The following PDCD4 variants were observed in gnomAD, a reference collection of about 807,000 sequenced individuals.
PDCD4 encodes programmed cell death 4.
A neutral mutation model predicts 54.0 loss-of-function variants in PDCD4; 56 were observed. That is an observed-to-expected ratio of 1.04 (90% confidence interval 0.84 to 1.30). PDCD4 has a LOEUF of 1.30. Among genes scored for constraint, PDCD4 ranks in the 50% most tolerant of loss-of-function variants. PDCD4 has a pLI of 0.00. For synonymous variants in PDCD4, 186 were observed against 194.8 expected, an observed-to-expected ratio of 0.95 and a Z score of 0.37; for missense variants, 584 against 559.8, an observed-to-expected ratio of 1.04 and a Z score of -0.44.
chr10:110,888,157 A>G (rs1308467186), intron 6 of PDCD4, among the ~76,000 whole-genome samples: 5 of 149,500 alleles, frequency 3.3e-5, no homozygotes, highest in African/African-American at 1.2e-4. Context: ...TTTTTGCCAT[A>G]TATATAGTCT....
chr10:110,893,884 C>A lies in PDCD4; in HGVS notation c.991-207C>A, dbSNP rs140234364. Among the ~76,000 whole-genome samples, 1,132 of 152,148 alleles carry A rather than the reference C, an allele frequency of 7.4e-3. 21 individuals are homozygous for A. Among genetic ancestry groups the A allele is most frequent in the African/African-American group, 0.024 (1,012 of 41,540 alleles). ...ACACACTGAAGCATTGCATTTGAAT[C>A]ATAATTATGAACCATTTAAAAATTG... is the stretch of plus-strand genomic sequence containing the variant. On this transcript the variant is annotated intron_variant, in intron 8 of 11. Transcript: ENST00000280154.
chr10:110,877,453 C>T (rs1355661467), intron 2 of PDCD4, among the ~76,000 whole-genome samples: 1 of 152,062 alleles, frequency 6.6e-6, no homozygotes, highest in Non-Finnish European at 1.5e-5. Context: ...TGTTATATTG[C>T]TTGCATGTTG....
intron 7 of PDCD4, 96 bp downstream of exon 7, chr10:110,889,726 A>G (rs1845727877): frequency 1.8e-5 from 13 of 732,116 alleles, no homozygotes; most frequent in South Asian, 3.1e-5. Context: ...GACACTCTGT[A>G]CATCTGTTTG....
chr10:110,881,255 T>C lies in PDCD4; in HGVS notation c.66T>C (p.Ser22=), dbSNP rs768286044. The C allele has an allele frequency of 2.5e-6, 4 of 1,612,778 alleles. No homozygotes were observed. In the East Asian group the frequency reaches 8.9e-5, roughly 36 times the overall value. Residue 22 remains serine, a synonymous_variant, in exon 3 of 12, where the codon TCT becomes TCC. Coordinates refer to ENST00000280154, the MANE Select transcript of PDCD4 (RefSeq NM_014456.5). ...NPADPDNLSD[S]LFSGDEENAG... ...AAGATCCTGATAACTTAAGTGACTCTCTCTTTTCCGGTGATGAAGAAAATG... is the reference window on the plus strand; with the variant it reads ...AAGATCCTGATAACTTAAGTGACTCCCTCTTTTCCGGTGATGAAGAAAATG...
intron 4 of PDCD4, among the ~76,000 whole-genome samples, chr10:110,883,371 A>G (rs1845620753): frequency 6.6e-6 from 1 of 152,202 alleles, no homozygotes; most frequent in South Asian, 2.1e-4. Flanking sequence ...ATAATTGAGA[A>G]TATCTTCTTT....
intron 4 of PDCD4, among the ~76,000 whole-genome samples, chr10:110,883,627 A>T (rs1029577646): frequency 3.3e-5 from 5 of 152,132 alleles, no homozygotes; most frequent in African/African-American, 1.2e-4. Flanking sequence ...TTACAAACTC[A>T]TAGGCAGTCT....
At position 110,898,050 on chromosome 10, in the gene PDCD4, G is replaced by A. The variant is rs148548339; in HGVS notation, c.1372G>A (p.Glu458Lys). Reference protein sequence around the residue: ...PSRGRKRFVSEGDGGRLKPES... With the variant: ...PSRGRKRFVSKGDGGRLKPES... Reference sequence around the variant, plus strand: ...CAGGGGCAGAAAGCGTTTTGTAAGCGAAGGAGATGGAGGTCGTCTTAAACC... The same window carrying A: ...CAGGGGCAGAAAGCGTTTTGTAAGCAAAGGAGATGGAGGTCGTCTTAAACC... Residue 458 changes from glutamate to lysine, a missense_variant, in exon 12 of 12, where the codon GAA becomes AAA. Coordinates refer to ENST00000280154, the MANE Select transcript of PDCD4 (RefSeq NM_014456.5). 19 of 1,589,802 alleles carry A rather than the reference G, an allele frequency of 1.2e-5. No individual in the cohort carries two copies. Among genetic ancestry groups the A allele is most frequent in the South Asian group, 3.5e-5 (3 of 86,796 alleles).
Position 110,895,982 on chromosome 10 carries a change from T to A in PDCD4, c.1244T>A (p.Ile415Asn). 2 of 1,605,112 alleles carry A rather than the reference T, an allele frequency of 1.2e-6. No homozygotes were observed. Among genetic ancestry groups the A allele is most frequent in the Non-Finnish European group, 1.7e-6 (2 of 1,174,948 alleles). Residue 415 changes from isoleucine to asparagine, a missense_variant, in exon 11 of 12, where the codon ATT becomes AAT. Ile to Asn is a moderately radical substitution (Grantham distance 149). Coordinates refer to ENST00000280154, the MANE Select transcript of PDCD4 (RefSeq NM_014456.5). Reference sequence around the variant, plus strand: ...AGAATTTACAATGAAATTCCGGACATTAATCTGGATGTCCCACATTCATAC... The same window carrying A: ...AGAATTTACAATGAAATTCCGGACAATAATCTGGATGTCCCACATTCATAC... Reference protein sequence around the residue: ...YERIYNEIPDINLDVPHSYSV... With the variant: ...YERIYNEIPDNNLDVPHSYSV...
rs1590741157 is a variant in PDCD4, at chr10:110,898,159, T to A, written c.*71T>A. ...GAATTGTAAGAGTTGTTAGCACAAG[T>A]TTTTTTTTTTTTTTTTTTTAAGCAC... On this transcript the variant is annotated 3_prime_UTR_variant, in exon 12 of 12. Coordinates refer to ENST00000280154, the MANE Select transcript of PDCD4 (RefSeq NM_014456.5). The A allele has an allele frequency of 7.1e-5, 1 of 14,108 alleles. No homozygotes were observed. The highest frequency in any genetic ancestry group is 9.7e-5 in the Non-Finnish European group (1 of 10,274). 0.9% of individuals were successfully genotyped at this position (14,108 alleles called of 1,614,324 possible). A position where few individuals can be genotyped will look rare whatever the true frequency, so the allele number is the denominator to read the frequency against.
In PDCD4 at chr10:110,887,755, A is replaced by G. The variant is rs1347179253; in HGVS notation, c.646A>G (p.Arg216Gly). The change falls in exon 6 of 12, where the codon AGA (arginine) becomes GGA (glycine). Residue 216 changes from arginine (R) to glycine (G), a missense_variant. Transcript: ENST00000280154. ...AGCATTGGAGGGGAAGGCTAGTCAT[A>G]GAGAGATGACATCTAAGCTTCTTTC... ...SLALEGKASH[R>G]EMTSKLLSDL... 2 of 1,612,770 alleles carry G rather than the reference A, an allele frequency of 1.2e-6. No homozygotes were observed. Among genetic ancestry groups the G allele is most frequent in the African/African-American group, 2.7e-5 (2 of 74,906 alleles).
Position 110,887,900 on chromosome 10 carries a change from T to C in PDCD4, c.777+14T>C. ...AGAGCACCACAGGTTTGTATGATTC[T>C]TCTTTTTGTTCATTCCCTCCCACTA... On this transcript the variant is annotated intron_variant, in intron 6 of 11. Coordinates refer to ENST00000280154, the MANE Select transcript of PDCD4 (RefSeq NM_014456.5). 1.3e-6 allele frequency: 2 copies of C among 1,516,430 alleles called. No individual in the cohort carries two copies. The highest frequency in any genetic ancestry group is 9.2e-7 in the Non-Finnish European group (1 of 1,092,198). 93.9% of individuals were successfully genotyped at this position (1,516,430 alleles called of 1,614,324 possible).
intron 11 of PDCD4, among the ~76,000 whole-genome samples, chr10:110,896,945 A>G (rs923486406): frequency 1.3e-5 from 2 of 152,198 alleles, no homozygotes; most frequent in Non-Finnish European, 2.9e-5. Context: ...GCTTTACTAG[A>G]AATGTTTGGA....
At chr10:110,884,178 A>T (rs1408351930) in intron 4 of PDCD4, among the ~76,000 whole-genome samples, 1 of 152,224 alleles carries the variant, frequency 6.6e-6, no homozygotes, top group African/African-American at 2.4e-5. Context: ...CATCCTGCCC[A>T]GGATGTGAGC....
rs758648222 is a variant in PDCD4, at chr10:110,890,616, T to C, written c.936T>C (p.Asp312=). ...TGTCTAAAGGTGGAAAGCGTAAAGA[T>C]AGTGTGTGGGGCTCTGGAGGTGGGC... The part of the protein sequence containing the change: ...LSMSKGGKRK[D]SVWGSGGGQQ... The change falls in exon 8 of 12, where the codon GAT becomes GAC. Residue 312 remains aspartate, a synonymous_variant. Coordinates refer to ENST00000280154, the MANE Select transcript of PDCD4 (RefSeq NM_014456.5). 2.5e-6 allele frequency: 4 copies of C among 1,613,648 alleles called. No individual in the cohort carries two copies. The highest frequency in any genetic ancestry group is 2.5e-6 in the Non-Finnish European group (3 of 1,179,698).
rs781245574 is a variant in PDCD4 at position 110,889,525 on chromosome 10, T to C, written c.778-8T>C. On this transcript the variant is annotated splice_polypyrimidine_tract_variant and splice_region_variant and intron_variant, in intron 6 of 11. Transcript: ENST00000280154. Reference sequence around the variant, plus strand: ...TTTTTATAGCTCTTTTTTTTTTCCTTTTTACAGTTGGTGGGCCAGTTTATT... The same window carrying C: ...TTTTTATAGCTCTTTTTTTTTTCCTCTTTACAGTTGGTGGGCCAGTTTATT... The C allele has an allele frequency of 3.9e-6, 6 of 1,527,262 alleles. No homozygotes were observed. Among genetic ancestry groups the C allele is most frequent in the Admixed American group, 1.9e-5 (1 of 53,358 alleles). 94.6% of individuals were successfully genotyped at this position (1,527,262 alleles called of 1,614,324 possible). A position where few individuals can be genotyped will look rare whatever the true frequency, so the allele number is the denominator to read the frequency against.
chr10:110,896,806 C>T (rs368773298), intron 11 of PDCD4, among the ~76,000 whole-genome samples: 1 of 151,904 alleles, frequency 6.6e-6, no homozygotes, highest in Admixed American at 6.6e-5. Context: ...ATTTCTTAAG[C>T]TTTGATATTT....
intron 10 of PDCD4, among the ~76,000 whole-genome samples, chr10:110,895,653 G>C (rs1003584712): frequency 6.6e-6 from 1 of 152,060 alleles, no homozygotes; most frequent in East Asian, 1.9e-4. Flanking sequence ...AGAAATCTCC[G>C]AACCACTTTC....
At chr10:110,892,515 A>T (rs958346967) in intron 8 of PDCD4, among the ~76,000 whole-genome samples, 1 of 152,158 alleles carries the variant, frequency 6.6e-6, no homozygotes, top group Non-Finnish European at 1.5e-5. Context: ...TTGATGGGGG[A>T]TATTTTTAAT....
intron 6 of PDCD4, among the ~76,000 whole-genome samples, chr10:110,889,302 A>C (rs1845719888): frequency 6.6e-6 from 1 of 151,544 alleles, no homozygotes; most frequent in South Asian, 2.1e-4. Context: ...TTCATTAGTG[A>C]GCAAAACAGA....
Sources: gnomAD v4.1 joint callset for allele counts (sites outside exome capture counted in the v4.1 genomes callset) on GRCh38, gnomAD v4.1.1 for gene constraint, MANE v1.5 for transcripts, NCBI Gene and HGNC (gene_info 2026-07-23, HGNC 2026-07-21) for gene names.